SMTNL1: variants seen among roughly 807,000 people sequenced by gnomAD.
SMTNL1 encodes the protein smoothelin-like protein 1.
In SMTNL1, 41 loss-of-function variants were observed where a neutral mutation model predicts 46.6. That is an observed-to-expected ratio of 0.88 (90% CI 0.69 to 1.14). The LOEUF (loss-of-function observed/expected upper bound fraction) is 1.14, where lower values mean the gene tolerates loss of function less well. Among genes scored for constraint, SMTNL1 ranks in the 50% most tolerant of loss-of-function variants. The probability of loss-of-function intolerance (pLI) is 0.00; values close to 1 mark genes in which losing one functional copy is unlikely to be tolerated. For missense variants in SMTNL1, 591 were observed against 626.1 expected (o/e 0.94, Z 0.60); for synonymous variants, 234 against 234.2 (o/e 1.00, Z 0.01).
Position 57,542,691 on chromosome 11 carries a change from C to T in SMTNL1, c.49C>T (p.Pro17Ser). 6.2e-7 allele frequency: 1 copy of T among 1,613,722 alleles called. No individual in the cohort carries two copies. Among genetic ancestry groups the T allele is most frequent in the Non-Finnish European group, 8.5e-7 (1 of 1,179,778 alleles). ...KLSEDGTTVS[P>S]AADNPEMSGG... Reference sequence around the variant, plus strand: ...CTCTGAGGATGGGACCACCGTCTCCCCAGCTGCGGACAACCCTGAGATGTC... The same window carrying T: ...CTCTGAGGATGGGACCACCGTCTCCTCAGCTGCGGACAACCCTGAGATGTC... The change falls in exon 2 of 8, where the codon CCA becomes TCA. Residue 17 changes from proline to serine, a missense_variant. By Grantham distance (74) the Pro-to-Ser change is moderately conservative. Transcript: ENST00000527972.
intron 1 of SMTNL1, among the ~76,000 whole-genome samples, chr11:57,541,960 G>T (rs185035627): frequency 1.3e-5 from 2 of 152,054 alleles, no homozygotes; most frequent in East Asian, 3.9e-4. Context: ...TTGTTCCATA[G>T]GTGTTCTAGG....
At chr11:57,541,429 A>G in intron 1 of SMTNL1, 2 of 1,311,164 alleles carry the variant, frequency 1.5e-6, no homozygotes, top group Non-Finnish European at 1.0e-6. Context: ...GCCCCCACAC[A>G]CCTGTTTTTG....
At position 57,546,615 on chromosome 11, in the gene SMTNL1, C is replaced by T. The variant is rs1590804274; in HGVS notation, c.1303C>T (p.Arg435Cys). Residue 435 changes from arginine (R) to cysteine (C), a missense_variant, in exon 7 of 8, where the codon CGC becomes TGC. Coordinates refer to ENST00000527972, the MANE Select transcript of SMTNL1 (RefSeq NM_001105565.3). ...FDYAELDPAK[R>C]RHNFTLAFST... Reference sequence around the variant, plus strand: ...CTACGCAGAGCTGGATCCCGCAAAGCGCCGGCACAACTTCACCCTGGCCTT... The same window carrying T: ...CTACGCAGAGCTGGATCCCGCAAAGTGCCGGCACAACTTCACCCTGGCCTT... 3.1e-6 allele frequency: 5 copies of T among 1,613,976 alleles called. No homozygotes were observed. The highest frequency in any genetic ancestry group is 1.1e-5 in the South Asian group (1 of 91,072).
At chr11:57,544,101 C>T (rs1391132882) in intron 4 of SMTNL1, among the ~76,000 whole-genome samples, 181 bp downstream of exon 4, 1 of 152,232 alleles carries the variant, frequency 6.6e-6, no homozygotes, top group Non-Finnish European at 1.5e-5. Context: ...GAGGCATGGT[C>T]GGCTGCAGTG....
intron 4 of SMTNL1, among the ~76,000 whole-genome samples, chr11:57,545,672 T>C (rs957060093): frequency 6.7e-6 from 1 of 150,226 alleles, no homozygotes; most frequent in African/African-American, 2.5e-5. Flanking sequence ...GTGTCCTAGC[T>C]CTACCCACAT....
At position 57,545,878 on chromosome 11, in the gene SMTNL1, T is replaced by C; in HGVS notation, c.918-3T>C. The C allele has an allele frequency of 6.2e-7, 1 of 1,611,614 alleles. No homozygotes were observed. Among genetic ancestry groups the C allele is most frequent in the Non-Finnish European group, 8.5e-7 (1 of 1,178,978 alleles). ...TCACACGTCTTTGGACTTCTCCATA[T>C]AGTGAGTCTTCACCCAGCGACGTGC... On this transcript the variant is annotated splice_region_variant and splice_polypyrimidine_tract_variant and intron_variant, in intron 4 of 7. Coordinates refer to ENST00000527972, the MANE Select transcript of SMTNL1 (RefSeq NM_001105565.3).
intron 1 of SMTNL1, among the ~76,000 whole-genome samples, chr11:57,542,322 T>C (rs2135262204): frequency 6.6e-6 from 1 of 152,190 alleles, no homozygotes; most frequent in South Asian, 2.1e-4. Flanking sequence ...ACAATAAAAT[T>C]GTGACCACCT....
chr11:57,549,212 G>A (rs1565156956), intron 7 of SMTNL1, among the ~76,000 whole-genome samples: 1 of 152,010 alleles, frequency 6.6e-6, no homozygotes, highest in Admixed American at 6.6e-5. Flanking sequence ...TTTTAGTAGA[G>A]ATGGAATTTC....
In SMTNL1 at chr11:57,542,690, C is replaced by G. The variant is rs1210641952; in HGVS notation, c.48C>G (p.Ser16=). The G allele has an allele frequency of 4.3e-6, 7 of 1,613,718 alleles. No individual in the cohort carries two copies. Among genetic ancestry groups the G allele is most frequent in the Non-Finnish European group, 5.9e-6 (7 of 1,179,766 alleles). ...GKLSEDGTTV[S]PAADNPEMSG... ...TCTCTGAGGATGGGACCACCGTCTC[C>G]CCAGCTGCGGACAACCCTGAGATGT... The change falls in exon 2 of 8, where the codon TCC becomes TCG. Residue 16 remains serine (S), a synonymous_variant. Transcript: ENST00000527972.
intron 4 of SMTNL1, 42 bp downstream of exon 4, chr11:57,543,962 C>T: frequency 1.3e-6 from 2 of 1,550,174 alleles, no homozygotes; most frequent in Non-Finnish European, 1.8e-6. Context: ...TTCCCCCTAC[C>T]TCCTGCTTCC....
rs749297510 is a variant in SMTNL1, at chr11:57,542,949, G to A, written c.307G>A (p.Glu103Lys). ...TAAAAAGGAGGATGGTGAGAAGGAAGAGACCACTGTGGGTTCTCAGGAGAT... is the reference window on the plus strand; with the variant it reads ...TAAAAAGGAGGATGGTGAGAAGGAAAAGACCACTGTGGGTTCTCAGGAGAT... The part of the protein sequence containing the change: ...ELKKEDGEKE[E>K]TTVGSQEMTG... Residue 103 changes from glutamate (E) to lysine (K), a missense_variant, in exon 2 of 8, where the codon GAG (glutamate) becomes AAG (lysine). Coordinates refer to ENST00000527972, the MANE Select transcript of SMTNL1 (RefSeq NM_001105565.3). 6.2e-7 allele frequency: 1 copy of A among 1,602,980 alleles called. No individual in the cohort carries two copies. Among genetic ancestry groups the A allele is most frequent in the East Asian group, 2.2e-5 (1 of 44,482 alleles).
Position 57,542,112 on chromosome 11 carries a change from A to AC in SMTNL1, c.-2-529_-2-528insC, listed in dbSNP as rs759901536. 4.4e-3 allele frequency among the ~76,000 whole-genome samples: 501 copies of AC among 114,046 alleles called. 1 individual carries two copies. The highest frequency in any genetic ancestry group is 0.014 in the East Asian group (61 of 4,258). 74.8% of individuals were successfully genotyped at this position (114,046 alleles called of 152,430 possible). A position where few individuals can be genotyped will look rare whatever the true frequency, so the allele number is the denominator to read the frequency against. ...GCAAAACCCCATCTCTACAAAAAAAAAACACACACACACACACACACACAC... is the reference window on the plus strand; with the variant it reads ...GCAAAACCCCATCTCTACAAAAAAAACAACACACACACACACACACACACAC... On this transcript the variant is annotated intron_variant, in intron 1 of 7. Coordinates refer to ENST00000527972, the MANE Select transcript of SMTNL1 (RefSeq NM_001105565.3).
chr11:57,538,448 G>A (rs1370123386), intron 1 of SMTNL1, among the ~76,000 whole-genome samples: 1 of 152,196 alleles, frequency 6.6e-6, no homozygotes, highest in Non-Finnish European at 1.5e-5. Flanking sequence ...GAAGGAGGAA[G>A]GAAAGGAGAG....
rs1944946935 is a variant in SMTNL1 at position 57,550,091 on chromosome 11, G to A, written c.1464G>A (p.Leu488=). 1.2e-6 allele frequency: 2 copies of A among 1,613,414 alleles called. No individual in the cohort carries two copies. Among genetic ancestry groups the A allele is most frequent in the Non-Finnish European group, 8.5e-7 (1 of 1,179,660 alleles). Residue 488 remains leucine (L), a synonymous_variant, in exon 8 of 8, where the codon CTG becomes CTA. Transcript: ENST00000527972. ...ACCGCAGCCTTGTGCAGAAAGGACT[G>A]GTGAAGACCAAGAAGAAGTGAGGAG... ...ELYRSLVQKG[L]VKTKKK
intron 1 of SMTNL1, among the ~76,000 whole-genome samples, chr11:57,542,113 A>AAACACAC (rs59309454): frequency 9.2e-4 from 97 of 105,516 alleles, no homozygotes; most frequent in African/African-American, 3.0e-3. Flanking sequence ...ACAAAAAAAA[A>AAACACAC]ACACACACAC....
At chr11:57,549,918 C>T (rs749425657) in intron 7 of SMTNL1, 50 bp from the exon 8 acceptor site, 1 of 1,604,156 alleles carries the variant, frequency 6.2e-7, no homozygotes, top group South Asian at 1.1e-5. Context: ...CCTTGGCTCC[C>T]ATATCCTTCA....
intron 7 of SMTNL1, 80 bp from the exon 8 acceptor site, chr11:57,549,888 T>C: frequency 6.6e-7 from 1 of 1,517,314 alleles, no homozygotes; most frequent in Non-Finnish European, 9.0e-7. Context: ...TCGTCATTGC[T>C]GGGCTGCCTG....
rs200131991 is a variant in SMTNL1, at chr11:57,543,699, A to G, written c.808A>G (p.Ser270Gly). The change falls in exon 3 of 8, where the codon AGC (serine) becomes GGC (glycine). Residue 270 changes from serine to glycine, a missense_variant. Coordinates refer to ENST00000527972, the MANE Select transcript of SMTNL1 (RefSeq NM_001105565.3). ...AGAGGGAGGGGCAGGGGTGATTCCC[A>G]GCTCCCCAGAGGAGTGGCCTGAGAG... ...EPEGGAGVIP[S>G]SPEEWPESPT... The G allele has an allele frequency of 1.8e-5, 28 of 1,584,166 alleles. No homozygotes were observed. The highest frequency in any genetic ancestry group is 5.5e-5 in the Admixed American group (3 of 54,776).
At chr11:57,546,756 C>T in intron 7 of SMTNL1, 104 bp downstream of exon 7, 3 of 1,358,708 alleles carry the variant, frequency 2.2e-6, no homozygotes, top group Non-Finnish European at 3.0e-6. Flanking sequence ...TGGTGCCACA[C>T]ATTCATGTAT....
Sources: allele counts gnomAD v4.1 joint callset (sites outside exome capture counted in the v4.1 genomes callset), GRCh38; gene constraint gnomAD v4.1.1; transcripts MANE v1.5; gene names NCBI Gene and HGNC (gene_info 2026-07-23, HGNC 2026-07-21).